DOCK4: variants seen among roughly 807,000 people sequenced by gnomAD.
DOCK4 encodes the protein dedicator of cytokinesis protein 4.
In DOCK4, 97 loss-of-function variants were observed where a neutral mutation model predicts 268.1. The ratio of observed to expected loss-of-function variants is 0.36; its 90% confidence interval spans 0.31 to 0.43. The LOEUF is 0.43. Ranked by LOEUF, DOCK4 falls within the 20% of genes least tolerant of loss-of-function variation. The pLI, the probability that DOCK4 is intolerant of heterozygous loss-of-function variation, is 1.00. For synonymous variants in DOCK4, 954 were observed against 887.2 expected (o/e 1.08, Z -1.34); for missense variants, 2,145 against 2,455.7 (o/e 0.87, Z 2.67).
In DOCK4 at chr7:111,998,445, T is replaced by G; in HGVS notation, c.218+3A>C. ...CCAACTACTAATAAAACTCATTTCT[T>G]ACCCTTTGTTCTTTACACAGGCATT... is the stretch of plus-strand genomic sequence containing the variant. On this transcript the variant is annotated splice_donor_region_variant and intron_variant, in intron 4 of 52. Transcript: ENST00000428084. The G allele has an allele frequency of 6.4e-7, 1 of 1,572,488 alleles. No homozygotes were observed. The highest frequency in any genetic ancestry group is 1.8e-5 in the Admixed American group (1 of 54,272).
intron 1 of DOCK4, among the ~76,000 whole-genome samples, chr7:112,112,845 T>A (rs1269962032): frequency 6.6e-6 from 1 of 151,976 alleles, no homozygotes; most frequent in Non-Finnish European, 1.5e-5. Flanking sequence ...GCCTCTCATC[T>A]CTCCCAATTG....
chr7:111,925,195 G>A (rs1400080901), intron 12 of DOCK4, among the ~76,000 whole-genome samples: 1 of 152,106 alleles, frequency 6.6e-6, no homozygotes, highest in Non-Finnish European at 1.5e-5. Context: ...AGAATGTTAT[G>A]TGTTATATCT....
rs1390689102 is a variant in DOCK4, at chr7:112,206,389, T to A, written c.-251A>T. ...CCCGGGTACCCGGCGGCGCAGTCAT[T>A]GTTCTGATTCACTGAACTAAGCGAA... On this transcript the variant is annotated 5_prime_UTR_variant, in exon 1 of 53. Coordinates refer to ENST00000428084, the MANE Select transcript of DOCK4 (RefSeq NM_001363540.2). 1.7e-6 allele frequency: 1 copy of A among 585,278 alleles called. No individual in the cohort carries two copies. Among genetic ancestry groups the A allele is most frequent in the Non-Finnish European group, 3.0e-6 (1 of 332,096 alleles). The allele number at this position is 585,278 out of a possible 1,614,324, so 36.3% of individuals were successfully genotyped here. A position where few individuals can be genotyped will look rare whatever the true frequency, so the allele number is the denominator to read the frequency against.
intron 1 of DOCK4, among the ~76,000 whole-genome samples, chr7:112,126,625 T>C (rs1278115023): frequency 2.6e-5 from 4 of 152,092 alleles, no homozygotes; most frequent in Admixed American, 6.5e-5. Context: ...ACAGGCAACC[T>C]ACAAAATGGG....
chr7:112,200,214 A>G (rs955166506), intron 1 of DOCK4, among the ~76,000 whole-genome samples: 1 of 152,152 alleles, frequency 6.6e-6, no homozygotes, highest in Non-Finnish European at 1.5e-5. Flanking sequence ...ATTTTTTTTA[A>G]CAAAAAAGAA....
At chr7:112,016,638 T>A (rs1801831744) in intron 1 of DOCK4, among the ~76,000 whole-genome samples, 1 of 152,228 alleles carries the variant, frequency 6.6e-6, no homozygotes, top group South Asian at 2.1e-4. Flanking sequence ...ACAGCTGGAT[T>A]ATTTCAATTG....
At chr7:111,862,147 A>C (rs935309299) in intron 23 of DOCK4, among the ~76,000 whole-genome samples, 4 of 151,790 alleles carry the variant, frequency 2.6e-5, no homozygotes, top group Non-Finnish European at 4.4e-5. Flanking sequence ...AAAAATACAA[A>C]AATTAGCTGG....
At chr7:112,020,685 T>TAAAAAAAAAAAAAAAAA (rs58803593) in intron 1 of DOCK4, among the ~76,000 whole-genome samples, 1 of 116,922 alleles carries the variant, frequency 8.6e-6, no homozygotes, top group African/African-American at 3.2e-5. Context: ...ACCCTAAAAG[T>TAAAAAAAAAAAAAAAAA]AAAAAAAAAA....
chr7:111,893,768 C>A (rs1465630157), intron 16 of DOCK4, among the ~76,000 whole-genome samples: 1 of 152,170 alleles, frequency 6.6e-6, no homozygotes, highest in African/African-American at 2.4e-5. Context: ...AACGTAAAGG[C>A]CAGAAACAGA....
intron 47 of DOCK4, among the ~76,000 whole-genome samples, chr7:111,740,608 C>T (rs2133429851): frequency 6.6e-6 from 1 of 150,830 alleles, no homozygotes; most frequent in South Asian, 2.1e-4. Context: ...TGGTACACAC[C>T]TGTAATCCCA....
At chr7:112,086,920 C>T (rs1809143100) in intron 1 of DOCK4, among the ~76,000 whole-genome samples, 1 of 152,078 alleles carries the variant, frequency 6.6e-6, no homozygotes, top group Non-Finnish European at 1.5e-5. Flanking sequence ...TCACTACCAG[C>T]ACCCCCACCA....
chr7:112,037,591 A>T (rs553274149), intron 1 of DOCK4, among the ~76,000 whole-genome samples: 3 of 152,216 alleles, frequency 2.0e-5, no homozygotes, highest in Non-Finnish European at 4.4e-5. Flanking sequence ...GCTCAATATA[A>T]TGTGAAATAT....
chr7:112,027,763 G>T (rs889844421), intron 1 of DOCK4, among the ~76,000 whole-genome samples: 2 of 152,212 alleles, frequency 1.3e-5, no homozygotes, highest in Non-Finnish European at 2.9e-5. Context: ...AAGGGACTGG[G>T]TTTATTTTTC....
At chr7:112,166,021 C>T (rs952620695) in intron 1 of DOCK4, among the ~76,000 whole-genome samples, 1 of 152,134 alleles carries the variant, frequency 6.6e-6, no homozygotes, top group African/African-American at 2.4e-5. Context: ...TCATCCCCAA[C>T]CATTTCTGTC....
At position 111,728,406 on chromosome 7, in the gene DOCK4, G is replaced by T. The variant is rs750839061; in HGVS notation, c.5796C>A (p.Pro1932=). The change falls in exon 53 of 53, where the codon CCC becomes CCA. Residue 1932 remains proline (P), a synonymous_variant. Coordinates refer to ENST00000428084, the MANE Select transcript of DOCK4 (RefSeq NM_001363540.2). ...PVPLPHSLSI[P]VTSEPPALPP... ...GCAGCGCGGGCGGCTCCGACGTGACGGGGATGGAGAGGCTGTGAGGTAGCG... is the reference window on the plus strand; with the variant it reads ...GCAGCGCGGGCGGCTCCGACGTGACTGGGATGGAGAGGCTGTGAGGTAGCG... The T allele has an allele frequency of 1.9e-6, 3 of 1,567,658 alleles. No homozygotes were observed. The highest frequency in any genetic ancestry group is 1.2e-5 in the South Asian group (1 of 83,186).
intron 1 of DOCK4, among the ~76,000 whole-genome samples, chr7:112,067,391 G>C (rs1027585320): frequency 1.3e-5 from 2 of 152,042 alleles, no homozygotes; most frequent in Non-Finnish European, 2.9e-5. Context: ...GGCTGGCCAG[G>C]GCAATTAAAA....
At chr7:112,060,949 A>G (rs1806331569) in intron 1 of DOCK4, among the ~76,000 whole-genome samples, 1 of 152,212 alleles carries the variant, frequency 6.6e-6, no homozygotes, top group Non-Finnish European at 1.5e-5. Context: ...TATACTTAAG[A>G]GGTTCAGATG....
chr7:111,998,506 G>A lies in DOCK4; in HGVS notation c.163-3C>T, dbSNP rs1800153508. The A allele has an allele frequency of 1.3e-6, 2 of 1,581,396 alleles. No homozygotes were observed. The highest frequency in any genetic ancestry group is 1.7e-6 in the Non-Finnish European group (2 of 1,161,464). The stretch of plus-strand genomic sequence containing the variant: ...ACGTAGCTGGAAGGAAATATACCCT[G>A]GAAAAGAAAACATGAAGGTTACGAT... On this transcript the variant is annotated splice_region_variant and splice_polypyrimidine_tract_variant and intron_variant, in intron 3 of 52. Transcript: ENST00000428084.
At chr7:112,074,862 T>C (rs1335695329) in intron 1 of DOCK4, among the ~76,000 whole-genome samples, 1 of 152,180 alleles carries the variant, frequency 6.6e-6, no homozygotes, top group Non-Finnish European at 1.5e-5. Flanking sequence ...AGTAGAGCAG[T>C]ATTCTCTTCT....
Sources: allele counts gnomAD v4.1 joint callset (sites outside exome capture counted in the v4.1 genomes callset), GRCh38; gene constraint gnomAD v4.1.1; transcripts MANE v1.5; gene names NCBI Gene and HGNC (gene_info 2026-07-23, HGNC 2026-07-21).